The following ELAVL2 variants were observed in gnomAD, a reference collection of about 807,000 sequenced individuals.
ELAVL2 encodes the protein ELAV like RNA binding protein 2, also known as ELAV-like protein 2.
A neutral mutation model predicts 34.6 loss-of-function variants in ELAVL2; 4 were observed. The ratio of observed to expected loss-of-function variants is 0.12; its 90% CI spans 0.06 to 0.26. ELAVL2 has a LOEUF of 0.26. Ranked by LOEUF, ELAVL2 falls within the 10% of genes least tolerant of loss-of-function variation. ELAVL2 has a pLI of 1.00. For missense variants in ELAVL2, 432 were observed against 442.8 expected, an observed-to-expected ratio of 0.98 and a Z score of 0.22; for synonymous variants, 193 against 154.8, an observed-to-expected ratio of 1.25 and a Z score of -1.83.
At chr9:23,744,896 A>G (rs2050132675) in intron 2 of ELAVL2, among the ~76,000 whole-genome samples, 1 of 152,116 alleles carries the variant, frequency 6.6e-6, no homozygotes, top group African/African-American at 2.4e-5. Context: ...AAGCAAAAAA[A>G]TTCTTTTAAA....
intron 3 of ELAVL2, among the ~76,000 whole-genome samples, chr9:23,708,908 GA>G (rs1204971143): frequency 6.6e-6 from 1 of 152,062 alleles, no homozygotes; most frequent in Non-Finnish European, 1.5e-5. Context: ...AAAGTGCTGG[GA>G]TTACAGGCAT....
chr9:23,786,429 A>C (rs1043421763), intron 1 of ELAVL2, among the ~76,000 whole-genome samples: 1 of 152,156 alleles, frequency 6.6e-6, no homozygotes, highest in African/African-American at 2.4e-5. Flanking sequence ...GAGCTACTGA[A>C]ATGACAACAA....
chr9:23,771,445 A>G (rs1389743701), intron 1 of ELAVL2, among the ~76,000 whole-genome samples: 3 of 151,986 alleles, frequency 2.0e-5, no homozygotes, highest in African/African-American at 7.2e-5. Flanking sequence ...ATATAGATAT[A>G]TATAGGAAAC....
intron 3 of ELAVL2, among the ~76,000 whole-genome samples, chr9:23,722,224 A>G (rs2043911107): frequency 6.6e-6 from 1 of 152,226 alleles, no homozygotes; most frequent in African/African-American, 2.4e-5. Flanking sequence ...ACCAATGTTA[A>G]CACACATTTC....
intron 1 of ELAVL2, among the ~76,000 whole-genome samples, chr9:23,775,143 T>C (rs1362701594): frequency 1.3e-5 from 2 of 152,312 alleles, no homozygotes; most frequent in East Asian, 3.9e-4. Context: ...TTCTGGAGAA[T>C]CCAACGAATC....
At chr9:23,811,684 G>C (rs764507704) in intron 1 of ELAVL2, among the ~76,000 whole-genome samples, 5 of 152,146 alleles carry the variant, frequency 3.3e-5, no homozygotes, top group Non-Finnish European at 4.4e-5. Context: ...GTTGTCAACA[G>C]AATAAAACTC....
intron 3 of ELAVL2, among the ~76,000 whole-genome samples, chr9:23,713,784 T>C (rs2041629569): frequency 6.6e-6 from 1 of 152,192 alleles, no homozygotes; most frequent in African/African-American, 2.4e-5. Context: ...GGTAAAGTTC[T>C]GGCCACTACA....
At chr9:23,840,344 T>A in the ELAVL2 span, among the ~76,000 whole-genome samples, 1 of 152,136 alleles carries the variant, frequency 6.6e-6, no homozygotes, top group South Asian at 2.1e-4. Context: ...TACAGATGCC[T>A]CCCCTTTACC....
At chr9:23,844,319 G>A in the ELAVL2 span, among the ~76,000 whole-genome samples, 5 of 152,088 alleles carry the variant, frequency 3.3e-5, no homozygotes, top group African/African-American at 1.2e-4. Flanking sequence ...GTTCTAGCAC[G>A]GTGCCTAACC....
chr9:23,824,461 G>C (rs188461303), intron 1 of ELAVL2, among the ~76,000 whole-genome samples: 45 of 152,290 alleles, frequency 3.0e-4, no homozygotes, highest in African/African-American at 9.6e-4. Context: ...AGCCGGTAGA[G>C]TGGGTGGGGT....
chr9:23,836,103 A>C, the ELAVL2 span, among the ~76,000 whole-genome samples: 3 of 152,174 alleles, frequency 2.0e-5, no homozygotes, highest in African/African-American at 7.2e-5. Context: ...TTAAATACAA[A>C]ATCCATTTCT....
the ELAVL2 span, among the ~76,000 whole-genome samples, chr9:23,841,088 A>G: frequency 6.6e-6 from 1 of 152,190 alleles, no homozygotes; most frequent in African/African-American, 2.4e-5. Flanking sequence ...AGATTAATTT[A>G]TTAGATGAAC....
chr9:23,720,193 A>T (rs1202629167), intron 3 of ELAVL2, among the ~76,000 whole-genome samples: 1 of 149,362 alleles, frequency 6.7e-6, no homozygotes, highest in African/African-American at 2.5e-5. Context: ...TTTTTTTGAG[A>T]CAGAATCTCC....
At chr9:23,697,573 GGAGA>G (rs1478036872) in intron 5 of ELAVL2, among the ~76,000 whole-genome samples, 2 of 152,092 alleles carry the variant, frequency 1.3e-5, no homozygotes, top group Non-Finnish European at 2.9e-5. Context: ...AAGGCACATA[GGAGA>G]GAGATGTGTA....
At chr9:23,807,482 A>G (rs2062392258) in intron 1 of ELAVL2, among the ~76,000 whole-genome samples, 1 of 152,164 alleles carries the variant, frequency 6.6e-6, no homozygotes, top group African/African-American at 2.4e-5. Flanking sequence ...ACACTCTTAA[A>G]CAACAAATGT....
chr9:23,706,884 C>G (rs1188854134), intron 3 of ELAVL2, among the ~76,000 whole-genome samples: 2 of 152,276 alleles, frequency 1.3e-5, no homozygotes, highest in East Asian at 3.9e-4. Flanking sequence ...ACATTTTATA[C>G]TACTTTATAA....
chr9:23,817,044 C>T lies in ELAVL2; in HGVS notation c.-16+8762G>A, dbSNP rs183205861. Among the ~76,000 whole-genome samples the T allele has an allele frequency of 1.3e-4, 19 of 150,550 alleles. No individual in the cohort carries two copies. In the East Asian group the frequency reaches 3.5e-3, roughly 28 times the overall value. On this transcript the variant is annotated intron_variant, in intron 1 of 6. Transcript: ENST00000397312. ...TGCTAAAGCAAAACCTTCACTGTGT[C>T]TTAAAAAAAAAAACCTATCATTTTA...
chr9:23,827,494 T>C (rs371863436), upstream of ELAVL2, among the ~76,000 whole-genome samples: 16 of 152,216 alleles, frequency 1.1e-4, no homozygotes, highest in African/African-American at 2.9e-4. Context: ...TCTTGAAAGA[T>C]AGCACCAACT....
chr9:23,772,533 C>CAA (rs1433663815), intron 1 of ELAVL2, among the ~76,000 whole-genome samples: 65 of 87,288 alleles, frequency 7.4e-4, no homozygotes, highest in African/African-American at 3.3e-3. Context: ...GCAGCTTACA[C>CAA]CAAAAAAAAA....
Sources: gnomAD v4.1 joint callset for allele counts (sites outside exome capture counted in the v4.1 genomes callset) on GRCh38, gnomAD v4.1.1 for gene constraint, MANE v1.5 for transcripts, NCBI Gene and HGNC (gene_info 2026-07-23, HGNC 2026-07-21) for gene names.